Variants in SLC5A4 observed in about 807,000 individuals in gnomAD.
SLC5A4 encodes the protein solute carrier family 5 member 4.
A neutral mutation model predicts 70.3 loss-of-function variants in SLC5A4; 55 were observed. The ratio of observed to expected loss-of-function variants is 0.78; its 90% CI spans 0.63 to 0.98. The LOEUF (loss-of-function observed/expected upper bound fraction) is 0.98. SLC5A4 is among the 50% of genes least tolerant of loss of function. The probability of loss-of-function intolerance (pLI) is 0.00; values close to 1 mark genes in which losing one functional copy is unlikely to be tolerated. For missense variants in SLC5A4, 735 were observed against 839.2 expected (o/e 0.88, Z 1.53); for synonymous variants, 268 against 305.7 (o/e 0.88, Z 1.29).
Position 32,232,970 on chromosome 22 carries a change from C to T in SLC5A4, c.950G>A (p.Cys317Tyr). The part of the protein sequence containing the change: ...MSHVKAACIM[C>Y]AYLKLLPMFL... ...CATGGGCAGCAGCTTCAGGTAAGCACACATAATGCAAGCGGCCTTCACGTG... is the reference window on the plus strand; with the variant it reads ...CATGGGCAGCAGCTTCAGGTAAGCATACATAATGCAAGCGGCCTTCACGTG... Residue 317 changes from cysteine to tyrosine, a missense_variant, in exon 9 of 15, where the codon TGT becomes TAT. By Grantham distance (194) the Cys-to-Tyr change is radical. Coordinates refer to ENST00000266086, the MANE Select transcript of SLC5A4 (RefSeq NM_014227.3). 4 of 1,614,186 alleles carry T rather than the reference C, an allele frequency of 2.5e-6. No individual in the cohort carries two copies. Among genetic ancestry groups the T allele is most frequent in the Non-Finnish European group, 3.4e-6 (4 of 1,180,020 alleles).
At chr22:32,264,101 T>A in the SLC5A4 span, among the ~76,000 whole-genome samples, 1 of 151,354 alleles carries the variant, frequency 6.6e-6, no homozygotes, top group Non-Finnish European at 1.5e-5. Flanking sequence ...GATGGATTGA[T>A]GGGTGCAGCA....
At chr22:32,283,740 CAT>C in the SLC5A4 span, among the ~76,000 whole-genome samples, 3 of 152,244 alleles carry the variant, frequency 2.0e-5, no homozygotes, top group South Asian at 4.1e-4. Flanking sequence ...TTTTTAATAA[CAT>C]GTACTTAATT....
At chr22:32,236,222 C>T (rs1181303665) in intron 7 of SLC5A4, among the ~76,000 whole-genome samples, 3 of 152,186 alleles carry the variant, frequency 2.0e-5, no homozygotes, top group Admixed American at 6.5e-5. Context: ...GTATCCATGC[C>T]GTCCAGTATG....
the SLC5A4 span, among the ~76,000 whole-genome samples, chr22:32,318,759 C>T: frequency 6.6e-6 from 1 of 152,178 alleles, no homozygotes. Flanking sequence ...TCCTCAAAAC[C>T]CTCAGTGGCT....
chr22:32,293,600 A>G, the SLC5A4 span, among the ~76,000 whole-genome samples: 1 of 152,036 alleles, frequency 6.6e-6, no homozygotes. Flanking sequence ...GTTGTTATGT[A>G]TTTTATTTCT....
chr22:32,349,327 GCAGTTTTAATTACGTAC>G, the SLC5A4 span, among the ~76,000 whole-genome samples: 2 of 152,174 alleles, frequency 1.3e-5, no homozygotes. Flanking sequence ...TTTAGTATAA[GCAGTTTTAATTACGTAC>G]CAGGTGCAGA....
the SLC5A4 span, among the ~76,000 whole-genome samples, chr22:32,290,312 C>T: frequency 1.5e-4 from 23 of 152,072 alleles, no homozygotes; most frequent in Non-Finnish European, 2.6e-4. Context: ...TGTGTTCTCA[C>T]TGTTCAACTC....
At chr22:32,314,288 A>G in the SLC5A4 span, among the ~76,000 whole-genome samples, 2 of 152,312 alleles carry the variant, frequency 1.3e-5, no homozygotes, top group Admixed American at 6.5e-5. Context: ...ACTTACTTGA[A>G]TAATTTATTG....
At chr22:32,290,235 G>C in the SLC5A4 span, among the ~76,000 whole-genome samples, 1 of 152,088 alleles carries the variant, frequency 6.6e-6, no homozygotes, top group Non-Finnish European at 1.5e-5. Context: ...TTGTCCTAAT[G>C]CTCTCCCTCC....
upstream of SLC5A4, among the ~76,000 whole-genome samples, chr22:32,255,948 G>A (rs1330993769): frequency 2.0e-5 from 3 of 152,156 alleles, no homozygotes; most frequent in Non-Finnish European, 4.4e-5. Flanking sequence ...TGTACAAAGA[G>A]TGAATCAACC....
the SLC5A4 span, among the ~76,000 whole-genome samples, chr22:32,286,782 C>T: frequency 1.1e-4 from 16 of 152,266 alleles, no homozygotes; most frequent in East Asian, 2.3e-3. Context: ...TCAACAAAGC[C>T]TTACAAGAAA....
chr22:32,308,793 T>C, the SLC5A4 span, among the ~76,000 whole-genome samples: 1 of 152,196 alleles, frequency 6.6e-6, no homozygotes, highest in Non-Finnish European at 1.5e-5. Flanking sequence ...TGTGCTTGTG[T>C]GTCCATGCAT....
chr22:32,238,956 T>C (rs370625755), intron 6 of SLC5A4, 29 bp downstream of exon 6: 3 of 1,528,604 alleles, frequency 2.0e-6, no homozygotes, highest in African/African-American at 2.7e-5. Context: ...AAAGATAGCC[T>C]GAGTGAGCAA....
chr22:32,233,169 T>G (rs1925863555), intron 8 of SLC5A4, 135 bp from the exon 9 acceptor site: 1 of 882,872 alleles, frequency 1.1e-6, no homozygotes, highest in African/African-American at 1.7e-5. Context: ...TCTGCACTCC[T>G]GTGTTCATTG....
chr22:32,339,444 T>C, the SLC5A4 span, among the ~76,000 whole-genome samples: 1 of 152,198 alleles, frequency 6.6e-6, no homozygotes, highest in African/African-American at 2.4e-5. Flanking sequence ...GGATCTGAAC[T>C]CAGCTCTGAT....
At chr22:32,299,865 C>T in the SLC5A4 span, among the ~76,000 whole-genome samples, 1 of 121,618 alleles carries the variant, frequency 8.2e-6, no homozygotes, top group Non-Finnish European at 1.8e-5. Flanking sequence ...GTTAGTTTTC[C>T]TTCTAACAGA....
intron 6 of SLC5A4, among the ~76,000 whole-genome samples, chr22:32,238,443 G>A (rs1926191999): frequency 6.6e-6 from 1 of 152,066 alleles, no homozygotes; most frequent in South Asian, 2.1e-4. Context: ...AACTCAGCTG[G>A]TATACTTTAA....
the SLC5A4 span, among the ~76,000 whole-genome samples, chr22:32,306,534 A>G: frequency 7.8e-5 from 10 of 127,974 alleles, no homozygotes; most frequent in Non-Finnish European, 1.6e-5. Context: ...AAAACTCATT[A>G]TTGTTACACT....
chr22:32,223,967 T>C (rs575740429), intron 13 of SLC5A4, among the ~76,000 whole-genome samples: 5 of 152,104 alleles, frequency 3.3e-5, no homozygotes, highest in South Asian at 4.2e-4. Context: ...GTCACCCAGG[T>C]TGGAGTGCAG....
Sources: allele counts gnomAD v4.1 joint callset (sites outside exome capture counted in the v4.1 genomes callset), GRCh38; gene constraint gnomAD v4.1.1; transcripts MANE v1.5; gene names NCBI Gene and HGNC (gene_info 2026-07-23, HGNC 2026-07-21).